TKFC: variants seen among roughly 807,000 people sequenced by gnomAD.
The protein encoded by TKFC is triokinase and FMN cyclase.
In TKFC, 46 loss-of-function variants were observed where a neutral mutation model predicts 61.0. The observed-to-expected ratio is 0.75, with a 90% CI of 0.60 to 0.96. The LOEUF is 0.96. Among genes scored for constraint, TKFC ranks in the 50% least tolerant of loss-of-function variants. The pLI is 0.00. For synonymous variants in TKFC, 314 were observed against 330.1 expected, an observed-to-expected ratio of 0.95 and a Z score of 0.53; for missense variants, 715 against 777.5, an observed-to-expected ratio of 0.92 and a Z score of 0.96.
intron 13 of TKFC, 107 bp downstream of exon 13, chr11:61,344,380 T>C: frequency 1.6e-6 from 1 of 627,588 alleles, no homozygotes. Flanking sequence ...TTTTTTTTTT[T>C]AAGAAGGAAT....
At chr11:61,350,655 C>A (rs749646991), downstream of TKFC, 5 of 608,360 alleles carry the variant, frequency 8.2e-6, no homozygotes, top group Non-Finnish European at 1.4e-5. Flanking sequence ...CTAGACTAGC[C>A]CCCAGGCTGG....
Position 61,343,439 on chromosome 11 carries a change from G to C in TKFC, c.963G>C (p.Glu321Asp), listed in dbSNP as rs1367648677. The C allele has an allele frequency of 1.2e-6, 2 of 1,614,186 alleles. No homozygotes were observed. ...CTCTCACCCTCCTGCTGGTGGATGAGCCTCTCCTGAAACTGATAGGTGAGA... is the reference window on the plus strand; with the variant it reads ...CTCTCACCCTCCTGCTGGTGGATGACCCTCTCCTGAAACTGATAGGTGAGA... ...GISLTLLLVD[E>D]PLLKLIDAET... Residue 321 changes from glutamate to aspartate, a missense_variant, in exon 11 of 18, where the codon GAG becomes GAC. Physicochemically the swap from Glu to Asp is conservative, Grantham distance 45 (BLOSUM62 2). Coordinates refer to ENST00000394900, the MANE Select transcript of TKFC (RefSeq NM_015533.4).
At position 61,341,422 on chromosome 11, in the gene TKFC, C is replaced by G; in HGVS notation, c.487-14C>G. ...ACCCTCCCCCCTGGGGCTTTTACCT[C>G]TTTGTGGCTGCAGGTGGCAGGTGCT... On this transcript the variant is annotated splice_polypyrimidine_tract_variant and intron_variant, in intron 5 of 17. Transcript: ENST00000394900. 1 of 1,552,414 alleles carries G rather than the reference C, an allele frequency of 6.4e-7. No individual in the cohort carries two copies. Among genetic ancestry groups the G allele is most frequent in the Non-Finnish European group, 8.7e-7 (1 of 1,147,326 alleles).
At position 61,339,090 on chromosome 11, in the gene TKFC, CT is replaced by C; in HGVS notation, c.219del (p.Val75SerfsTer34). ...HAGFIGKGML[T>X]GVIAGAVFTS... ...GGTTTCATAGGGAAGGGGATGCTGA[CT>C]GGGGTCATCGCGGGAGCTGTGTTCA... On this transcript the variant is annotated frameshift_variant, in exon 4 of 18. Transcript: ENST00000394900. The C allele has an allele frequency of 1.2e-6, 2 of 1,613,582 alleles. No homozygotes were observed. The highest frequency in any genetic ancestry group is 2.2e-5 in the South Asian group (2 of 91,060).
rs764457093 is a variant in TKFC, at chr11:61,342,649, G to A, written c.766G>A (p.Val256Met). Reference protein sequence around the residue: ...TNTTNASHVPVQPGSSVVMMV... With the variant: ...TNTTNASHVPMQPGSSVVMMV... Reference sequence around the variant, plus strand: ...CACCACCAACGCGTCCCATGTGCCTGTGCAGCCCGGTGGGTAGCCTCTCGC... The same window carrying A: ...CACCACCAACGCGTCCCATGTGCCTATGCAGCCCGGTGGGTAGCCTCTCGC... Residue 256 changes from valine to methionine, a missense_variant, in exon 9 of 18, where the codon GTG (valine) becomes ATG (methionine). Val to Met is a conservative substitution (Grantham distance 21, BLOSUM62 1). Coordinates refer to ENST00000394900, the MANE Select transcript of TKFC (RefSeq NM_015533.4). The A allele has an allele frequency of 1.9e-6, 3 of 1,614,050 alleles. No homozygotes were observed. Among genetic ancestry groups the A allele is most frequent in the Non-Finnish European group, 2.5e-6 (3 of 1,180,024 alleles).
chr11:61,343,769 C>T (rs1590573375), intron 11 of TKFC, 87 bp from the exon 12 acceptor site: 5 of 1,528,966 alleles, frequency 3.3e-6, no homozygotes, highest in East Asian at 2.3e-5. Context: ...GAAAGCCAGG[C>T]CACCAGGGTC....
downstream of TKFC, chr11:61,349,598 A>T (rs1471838681): frequency 1.1e-5 from 8 of 702,876 alleles, no homozygotes; most frequent in South Asian, 1.2e-4. Context: ...ACAGACACGT[A>T]AGTCACAGGG....
At chr11:61,337,857 T>G in intron 2 of TKFC, 84 bp from the exon 3 acceptor site, 1 of 1,350,994 alleles carries the variant, frequency 7.4e-7, no homozygotes, top group East Asian at 2.5e-5. Flanking sequence ...GGGAGAGGGG[T>G]CTACACCACA....
At chr11:61,338,649 T>C (rs1247196269) in intron 3 of TKFC, among the ~76,000 whole-genome samples, 2 of 152,172 alleles carry the variant, frequency 1.3e-5, no homozygotes, top group Non-Finnish European at 1.5e-5. Context: ...CAAACACTCA[T>C]GAGCCCACTG....
At chr11:61,342,311 A>G in intron 7 of TKFC, 150 bp from the exon 8 acceptor site, 1 of 993,428 alleles carries the variant, frequency 1.0e-6, no homozygotes, top group Non-Finnish European at 1.6e-6. Context: ...CCCAGAGAAC[A>G]GAGATCGTGT....
In TKFC at chr11:61,343,320, C is replaced by T. The variant is rs191749664; in HGVS notation, c.866-22C>T. 9.4e-6 allele frequency: 15 copies of T among 1,603,322 alleles called. No homozygotes were observed. In the African/African-American group the frequency reaches 1.1e-4, roughly 11 times the overall value. On this transcript the variant is annotated intron_variant, in intron 10 of 17. Transcript: ENST00000394900. Reference sequence around the variant, plus strand: ...CTGATGCCCATTTTTCCCTTTTGGACTGCCACACTCTGGTATTGCAGAGGG... The same window carrying T: ...CTGATGCCCATTTTTCCCTTTTGGATTGCCACACTCTGGTATTGCAGAGGG...
In TKFC at chr11:61,339,244, G is replaced by A. The variant is rs1352644241; in HGVS notation, c.305-10G>A. The stretch of plus-strand genomic sequence containing the variant: ...GTAAGCACACTGAGCCCTTCCGGCT[G>A]CTCCCGCAGTGGGGACGCTCCTTAT... On this transcript the variant is annotated splice_polypyrimidine_tract_variant and intron_variant, in intron 4 of 17. Transcript: ENST00000394900. 6.2e-7 allele frequency: 1 copy of A among 1,611,952 alleles called. No individual in the cohort carries two copies. The highest frequency in any genetic ancestry group is 1.1e-5 in the South Asian group (1 of 90,970).
At position 61,338,128 on chromosome 11, in the gene TKFC, C is replaced by T. The variant is rs1856691949; in HGVS notation, c.191C>T (p.Ala64Val). The T allele has an allele frequency of 6.3e-7, 1 of 1,589,278 alleles. No homozygotes were observed. Among genetic ancestry groups the T allele is most frequent in the East Asian group, 2.2e-5 (1 of 44,470 alleles). Residue 64 changes from alanine to valine, a missense_variant and splice_region_variant, in exon 3 of 18, where the codon GCT becomes GTT. Coordinates refer to ENST00000394900, the MANE Select transcript of TKFC (RefSeq NM_015533.4). ...GGGSGHEPAHAGFIGKGMLTG... is the reference protein window; with the variant it reads ...GGGSGHEPAHVGFIGKGMLTG... ...GGCTCTGGCCATGAGCCTGCCCATG[C>T]TGGTGAGTATCCTGGGGTGGGGCAG...
intron 2 of TKFC, among the ~76,000 whole-genome samples, chr11:61,336,840 C>A (rs1005802452): frequency 6.6e-6 from 1 of 152,188 alleles, no homozygotes; most frequent in African/African-American, 2.4e-5. Flanking sequence ...CAGTCCTCTC[C>A]TCCCCACCCC....
At position 61,341,890 on chromosome 11, in the gene TKFC, C is replaced by T. The variant is rs751835009; in HGVS notation, c.633C>T (p.Ala211=). 13 of 1,613,570 alleles carry T rather than the reference C, an allele frequency of 8.1e-6. No homozygotes were observed. The highest frequency in any genetic ancestry group is 3.3e-5 in the Admixed American group (2 of 59,976). The change falls in exon 7 of 18, where the codon GCC becomes GCT. Residue 211 remains alanine, a synonymous_variant. Transcript: ENST00000394900. ...CCAAACCCACCTTCGAGCTCTCAGC[C>T]GACGAGGTGGAGCTGGGCCTGGGTA... ...PGSKPTFELS[A]DEVELGLGIH...
Position 61,342,696 on chromosome 11 carries a change from A to C in TKFC, c.775+38A>C, listed in dbSNP as rs780714553. Reference sequence around the variant, plus strand: ...TCGCCCGCGTCTCCCAACCCCTCCTAAACCTCTGGGGAGGAGACGCCCAGA... The same window carrying C: ...TCGCCCGCGTCTCCCAACCCCTCCTCAACCTCTGGGGAGGAGACGCCCAGA... On this transcript the variant is annotated intron_variant, in intron 9 of 17. Transcript: ENST00000394900. 1.9e-6 allele frequency: 3 copies of C among 1,612,924 alleles called. No homozygotes were observed. In the African/African-American group the frequency reaches 4.0e-5, roughly 22 times the overall value.
intron 5 of TKFC, among the ~76,000 whole-genome samples, chr11:61,340,853 A>C (rs1479192724): frequency 6.6e-6 from 1 of 151,992 alleles, no homozygotes; most frequent in Non-Finnish European, 1.5e-5. Context: ...CCTGATCTCC[A>C]TCTCCCCACT....
intron 3 of TKFC, among the ~76,000 whole-genome samples, chr11:61,338,701 C>T (rs948961082): frequency 6.6e-6 from 1 of 152,206 alleles, no homozygotes; most frequent in African/African-American, 2.4e-5. Context: ...ACCAGACAGG[C>T]AAGGTCCCTG....
chr11:61,349,888 G>A, downstream of TKFC: 1 of 536,510 alleles, frequency 1.9e-6, no homozygotes, highest in Non-Finnish European at 3.4e-6. Context: ...GGGGGAAGTG[G>A]ACGGACACCT....
Sources: gnomAD v4.1 joint callset for allele counts (sites outside exome capture counted in the v4.1 genomes callset) on GRCh38, gnomAD v4.1.1 for gene constraint, MANE v1.5 for transcripts, NCBI Gene and HGNC (gene_info 2026-07-23, HGNC 2026-07-21) for gene names.